Variants in CDADC1 observed in about 807,000 individuals in gnomAD.
CDADC1 encodes dCTP deaminase.
In CDADC1, 39 loss-of-function variants were observed where a neutral mutation model predicts 54.9. That is an observed-to-expected ratio of 0.71 (90% CI 0.55 to 0.93). CDADC1 has a LOEUF of 0.93. Among genes scored for constraint, CDADC1 ranks in the 40% least tolerant of loss-of-function variants. The pLI is 0.00. For synonymous variants in CDADC1, 186 were observed against 204.0 expected (o/e 0.91, Z 0.75); for missense variants, 518 against 618.8 (o/e 0.84, Z 1.73).
chr13:49,247,977 G>C lies in CDADC1; in HGVS notation c.-61G>C. ...GAGGAGGCGAGAGGCGGGGGCGCTA[G>C]GGCCGAGATCATGTCTGACTGGGAG... On this transcript the variant is annotated 5_prime_UTR_variant, in exon 1 of 10. Coordinates refer to ENST00000251108, the MANE Select transcript of CDADC1 (RefSeq NM_030911.4). 3 of 1,467,040 alleles carry C rather than the reference G, an allele frequency of 2.0e-6. No individual in the cohort carries two copies. The allele number at this position is 1,467,040 out of a possible 1,614,324, so 90.9% of individuals were successfully genotyped here.
chr13:49,280,990 C>G (rs967477981), intron 8 of CDADC1, among the ~76,000 whole-genome samples: 1 of 151,768 alleles, frequency 6.6e-6, no homozygotes. Context: ...CCGGCCACCA[C>G]GCCTGGCTAA....
At position 49,274,327 on chromosome 13, in the gene CDADC1, C is replaced by T; in HGVS notation, c.1037C>T (p.Ala346Val). 6.2e-7 allele frequency: 1 copy of T among 1,610,566 alleles called. No homozygotes were observed. The highest frequency in any genetic ancestry group is 8.5e-7 in the Non-Finnish European group (1 of 1,177,354). Residue 346 changes from alanine (A) to valine (V), a missense_variant, in exon 6 of 10, where the codon GCA (alanine) becomes GTA (valine). Physicochemically the swap from Ala to Val is moderately conservative, Grantham distance 64. Coordinates refer to ENST00000251108, the MANE Select transcript of CDADC1 (RefSeq NM_030911.4). ...HKTGVGAVIW[A>V]EGKSRSCDGT... ...ACAGGAGTTGGGGCAGTCATTTGGG[C>T]AGAAGGGAAATCTGTAAGTATGAAA...
intron 9 of CDADC1, among the ~76,000 whole-genome samples, chr13:49,290,771 G>A (rs1239618671): frequency 6.6e-6 from 1 of 152,078 alleles, no homozygotes; most frequent in South Asian, 2.1e-4. Flanking sequence ...ATTGCTTGAG[G>A]CCAAGAGTTC....
intron 2 of CDADC1, among the ~76,000 whole-genome samples, chr13:49,250,485 AG>A (rs1390312645): frequency 3.9e-5 from 6 of 152,312 alleles, no homozygotes; most frequent in African/African-American, 1.2e-4. Flanking sequence ...TTCACAGAGA[AG>A]GTCGTATTTG....
intron 5 of CDADC1, among the ~76,000 whole-genome samples, chr13:49,273,316 T>C (rs9526534): frequency 0.31 from 47,759 of 152,014 alleles, 7,580 homozygotes; most frequent in East Asian, 0.5. Flanking sequence ...TGAAAATGCC[T>C]TAGGGTAAGT....
intron 6 of CDADC1, among the ~76,000 whole-genome samples, chr13:49,277,300 G>A (rs144319782): frequency 8.0e-4 from 121 of 151,774 alleles, no homozygotes; most frequent in African/African-American, 2.8e-3. Flanking sequence ...GTGAGACCCC[G>A]TTGCTACAAA....
chr13:49,265,818 T>A, intron 4 of CDADC1: 1 of 1,271,294 alleles, frequency 7.9e-7, no homozygotes, highest in East Asian at 5.9e-5. Flanking sequence ...AACTCTGCTT[T>A]AGCATTTGCC....
At chr13:49,255,789 A>G (rs776413401) in intron 2 of CDADC1, 50 bp from the exon 3 acceptor site, 1 of 1,591,526 alleles carries the variant, frequency 6.3e-7, no homozygotes, top group Non-Finnish European at 8.5e-7. Flanking sequence ...TGAATTAGTC[A>G]TATGTCTTAT....
At chr13:49,262,383 C>A (rs758100856) in intron 4 of CDADC1, among the ~76,000 whole-genome samples, 3 of 152,004 alleles carry the variant, frequency 2.0e-5, no homozygotes, top group Non-Finnish European at 4.4e-5. Flanking sequence ...GCAAAGGTTG[C>A]GGTGAGCTGT....
intron 2 of CDADC1, among the ~76,000 whole-genome samples, chr13:49,252,833 T>A (rs1952464711): frequency 6.6e-6 from 1 of 152,228 alleles, no homozygotes; most frequent in Admixed American, 6.5e-5. Flanking sequence ...TAATTTTAAA[T>A]TATACAGTAA....
rs1199473335 is a variant in CDADC1 at position 49,285,857 on chromosome 13, A to G, written c.1411-365A>G. On this transcript the variant is annotated intron_variant, in intron 8 of 9. Coordinates refer to ENST00000251108, the MANE Select transcript of CDADC1 (RefSeq NM_030911.4). ...AAGATGGAGGCTTGCTCTGTCACCCAGGCTGAAGTGCAGTGGCACCATCTC... is the reference window on the plus strand; with the variant it reads ...AAGATGGAGGCTTGCTCTGTCACCCGGGCTGAAGTGCAGTGGCACCATCTC... Among the ~76,000 whole-genome samples, 3 of 150,582 alleles carry G rather than the reference A, an allele frequency of 2.0e-5. No homozygotes were observed. The Admixed American group carries it at 2.0e-4, about 10-fold the overall frequency.
chr13:49,275,724 TATAGAGAG>T (rs1566370126), intron 6 of CDADC1, among the ~76,000 whole-genome samples: 1 of 15,460 alleles, frequency 6.5e-5, no homozygotes, highest in Non-Finnish European at 1.2e-4. Context: ...TATATATATA[TATAGAGAG>T]AGAGAGAGAG....
Position 49,264,677 on chromosome 13 carries a change from G to A in CDADC1, c.431-2813G>A, listed in dbSNP as rs182510725. Reference sequence around the variant, plus strand: ...GTTAGAAGTTACAGTGAGCTATGATGTCACCACTGCACTCCAGCTTGGGTG... The same window carrying A: ...GTTAGAAGTTACAGTGAGCTATGATATCACCACTGCACTCCAGCTTGGGTG... On this transcript the variant is annotated intron_variant, in intron 4 of 9. Transcript: ENST00000251108. Among the ~76,000 whole-genome samples the A allele has an allele frequency of 9.4e-5, 14 of 149,212 alleles. 1 individual carries two copies. In the Admixed American group the frequency reaches 9.4e-4, roughly 10 times the overall value.
Position 49,247,967 on chromosome 13 carries a change from G to T in CDADC1, c.-71G>T. 1.4e-6 allele frequency: 2 copies of T among 1,388,860 alleles called. No homozygotes were observed. Among genetic ancestry groups the T allele is most frequent in the Non-Finnish European group, 2.0e-6 (2 of 1,001,048 alleles). The allele number at this position is 1,388,860 out of a possible 1,614,324, so 86.0% of individuals were successfully genotyped here. Reference sequence around the variant, plus strand: ...CAGTTGCTGAGAGGAGGCGAGAGGCGGGGGCGCTAGGGCCGAGATCATGTC... The same window carrying T: ...CAGTTGCTGAGAGGAGGCGAGAGGCTGGGGCGCTAGGGCCGAGATCATGTC... On this transcript the variant is annotated 5_prime_UTR_variant, in exon 1 of 10. Coordinates refer to ENST00000251108, the MANE Select transcript of CDADC1 (RefSeq NM_030911.4).
chr13:49,280,225 T>C (rs1182546379), intron 7 of CDADC1, among the ~76,000 whole-genome samples: 1 of 152,196 alleles, frequency 6.6e-6, no homozygotes, highest in Admixed American at 6.5e-5. Flanking sequence ...TGTATCTTCC[T>C]GATTTCATTT....
At chr13:49,290,773 C>A (rs1330480756) in intron 9 of CDADC1, among the ~76,000 whole-genome samples, 1 of 152,054 alleles carries the variant, frequency 6.6e-6, no homozygotes, top group African/African-American at 2.4e-5. Context: ...TGCTTGAGGC[C>A]AAGAGTTCAA....
chr13:49,258,335 A>C (rs912040379), intron 3 of CDADC1, among the ~76,000 whole-genome samples: 1 of 152,344 alleles, frequency 6.6e-6, no homozygotes, highest in African/African-American at 2.4e-5. Flanking sequence ...CTCATGTAAC[A>C]GTCAGTCCCA....
chr13:49,277,664 A>G (rs1953189053), intron 6 of CDADC1, among the ~76,000 whole-genome samples: 1 of 152,170 alleles, frequency 6.6e-6, no homozygotes, highest in African/African-American at 2.4e-5. Flanking sequence ...TTACACACAC[A>G]TTACTAATAT....
Position 49,280,697 on chromosome 13 carries a change from CG to C in CDADC1, c.1410+1del. 1.9e-6 allele frequency: 3 copies of C among 1,564,204 alleles called. No homozygotes were observed. Among genetic ancestry groups the C allele is most frequent in the Non-Finnish European group, 2.6e-6 (3 of 1,157,440 alleles). ...FGELEGVSKF[T>X]WQLNPSGAYG... is the part of the protein sequence containing the mutation. ...GAGCTTGAAGGTGTTAGCAAATTTACGGTAAGTAGATACACATTTTTTTCAG... is the reference window on the plus strand; with the variant it reads ...GAGCTTGAAGGTGTTAGCAAATTTACGTAAGTAGATACACATTTTTTTCAG... On this transcript the variant is annotated frameshift_variant and splice_region_variant, in exon 8 of 10. Transcript: ENST00000251108. LOFTEE classifies it high-confidence loss of function.
Sources: gnomAD v4.1 joint callset for allele counts (sites outside exome capture counted in the v4.1 genomes callset) on GRCh38, gnomAD v4.1.1 for gene constraint, MANE v1.5 for transcripts, NCBI Gene and HGNC (gene_info 2026-07-23, HGNC 2026-07-21) for gene names.